DEPTOR: variants seen among roughly 807,000 people sequenced by gnomAD.
The protein encoded by DEPTOR is DEP domain containing MTOR interacting protein, also known as DEP domain-containing mTOR-interacting protein.
In DEPTOR, 41 loss-of-function variants were observed where a neutral mutation model predicts 41.6. The observed-to-expected ratio is 0.98, with a 90% CI of 0.77 to 1.28. The LOEUF (loss-of-function observed/expected upper bound fraction) is 1.28. Among genes scored for constraint, DEPTOR ranks in the 50% most tolerant of loss-of-function variants. The probability of loss-of-function intolerance (pLI) is 0.00; values close to 1 mark genes in which losing one functional copy is unlikely to be tolerated. For synonymous variants in DEPTOR, 195 were observed against 192.3 expected, an observed-to-expected ratio of 1.01 and a Z score of -0.12; for missense variants, 514 against 527.9, an observed-to-expected ratio of 0.97 and a Z score of 0.26.
chr8:119,889,634 G>C (rs1231245085), intron 1 of DEPTOR, among the ~76,000 whole-genome samples: 6 of 65,150 alleles, frequency 9.2e-5, no homozygotes, highest in African/African-American at 2.7e-4. Context: ...GGGAAGGGAA[G>C]GGGAGGGGAG....
chr8:119,974,224 T>G (rs11993050), intron 4 of DEPTOR, among the ~76,000 whole-genome samples: 7,380 of 109,996 alleles, frequency 0.067, 236 homozygotes, highest in South Asian at 0.18. Flanking sequence ...CATAGTGAGA[T>G]CTTGTCTCTT....
At chr8:119,987,551 C>T (rs570486559) in intron 4 of DEPTOR, among the ~76,000 whole-genome samples, 12 of 152,280 alleles carry the variant, frequency 7.9e-5, no homozygotes, top group Admixed American at 4.6e-4. Flanking sequence ...TAGCAGAGCT[C>T]GAGTGCTGTG....
chr8:119,899,678 A>G (rs1478936065), intron 1 of DEPTOR, among the ~76,000 whole-genome samples: 1 of 152,198 alleles, frequency 6.6e-6, no homozygotes, highest in African/African-American at 2.4e-5. Context: ...GAATCACTAC[A>G]TAGCTCAGAG....
chr8:120,049,790 C>G lies in DEPTOR; in HGVS notation c.*86C>G. 3 of 1,552,722 alleles carry G rather than the reference C, an allele frequency of 1.9e-6. No individual in the cohort carries two copies. Among genetic ancestry groups the G allele is most frequent in the Non-Finnish European group, 1.8e-6 (2 of 1,140,470 alleles). On this transcript the variant is annotated 3_prime_UTR_variant, in exon 9 of 9. Coordinates refer to ENST00000286234, the MANE Select transcript of DEPTOR (RefSeq NM_022783.4). ...GCAATGCAAAGACAAGATTGCCATG[C>G]AAATGGATGGTTTTGGACATACGAG...
intron 3 of DEPTOR, among the ~76,000 whole-genome samples, chr8:119,948,731 G>A (rs565832065): frequency 3.3e-5 from 5 of 151,778 alleles, no homozygotes; most frequent in African/African-American, 1.2e-4. Flanking sequence ...TCATCCCTAA[G>A]CAAACATTAA....
chr8:120,016,311 T>A, intron 8 of DEPTOR, among the ~76,000 whole-genome samples: 1 of 152,050 alleles, frequency 6.6e-6, no homozygotes. Context: ...TTTTCCTTTT[T>A]TTTTGAGATG....
intron 3 of DEPTOR, among the ~76,000 whole-genome samples, chr8:119,962,487 G>T (rs1053205243): frequency 3.3e-5 from 5 of 152,020 alleles, no homozygotes; most frequent in African/African-American, 1.2e-4. Flanking sequence ...TCTAGCCATG[G>T]GGATGGCAAA....
rs532368333 is a variant in DEPTOR at position 119,958,073 on chromosome 8, A to G, written c.426-7159A>G. Among the ~76,000 whole-genome samples, 19 of 152,302 alleles carry G rather than the reference A, an allele frequency of 1.2e-4. No homozygotes were observed. The South Asian group carries it at 3.9e-3, about 32-fold the overall frequency. ...TTATTCATACAAATGTGTTCCAGCT[A>G]TCTATTCCTACAAAACAAGTCATAC... On this transcript the variant is annotated intron_variant, in intron 3 of 8. Coordinates refer to ENST00000286234, the MANE Select transcript of DEPTOR (RefSeq NM_022783.4).
intron 8 of DEPTOR, among the ~76,000 whole-genome samples, chr8:120,024,748 C>A (rs1176891967): frequency 1.3e-5 from 2 of 152,072 alleles, no homozygotes; most frequent in Admixed American, 6.6e-5. Context: ...CCCTGCTGAA[C>A]CTTTGATTTC....
intron 1 of DEPTOR, among the ~76,000 whole-genome samples, chr8:119,908,314 GGTGCA>G (rs1384988323): frequency 6.6e-6 from 1 of 152,106 alleles, no homozygotes; most frequent in Non-Finnish European, 1.5e-5. Flanking sequence ...AAATGGGTGA[GGTGCA>G]GTGGCTCACT....
At position 120,050,526 on chromosome 8, in the gene DEPTOR, A is replaced by G. The variant is rs1308282055; in HGVS notation, c.*822A>G. 6.6e-6 allele frequency: 1 copy of G among 152,188 alleles called. No individual in the cohort carries two copies. The highest frequency in any genetic ancestry group is 1.5e-5 in the Non-Finnish European group (1 of 68,022). 9.4% of individuals were successfully genotyped at this position (152,188 alleles called of 1,614,324 possible). A position where few individuals can be genotyped will look rare whatever the true frequency, so the allele number is the denominator to read the frequency against. On this transcript the variant is annotated 3_prime_UTR_variant, in exon 9 of 9. Transcript: ENST00000286234. Reference sequence around the variant, plus strand: ...AAATCAACCCTTCTGGCAAGATTTCACTTTGAAGGTGTCTGTTTTTAAGGG... The same window carrying G: ...AAATCAACCCTTCTGGCAAGATTTCGCTTTGAAGGTGTCTGTTTTTAAGGG...
intron 3 of DEPTOR, among the ~76,000 whole-genome samples, chr8:119,934,980 G>A (rs977740697): frequency 1.3e-5 from 2 of 152,194 alleles, no homozygotes; most frequent in East Asian, 1.9e-4. Context: ...ACCTCCTGCT[G>A]CCAGCTGTGG....
At chr8:119,918,264 C>G (rs1282818899) in intron 1 of DEPTOR, among the ~76,000 whole-genome samples, 1 of 152,130 alleles carries the variant, frequency 6.6e-6, no homozygotes, top group African/African-American at 2.4e-5. Flanking sequence ...CTCTTTACTT[C>G]CTGGGTGTGT....
intron 8 of DEPTOR, among the ~76,000 whole-genome samples, chr8:120,047,473 T>G (rs2130218174): frequency 6.6e-6 from 1 of 152,248 alleles, no homozygotes; most frequent in South Asian, 2.1e-4. Context: ...GTTCAAGTGA[T>G]TCTTCTGCCT....
intron 8 of DEPTOR, among the ~76,000 whole-genome samples, chr8:120,024,332 G>A (rs974206988): frequency 1.3e-5 from 2 of 152,188 alleles, no homozygotes; most frequent in African/African-American, 4.8e-5. Flanking sequence ...CCACACATGG[G>A]TGTACTTAGG....
intron 4 of DEPTOR, among the ~76,000 whole-genome samples, chr8:119,989,793 T>C (rs1339708556): frequency 2.6e-5 from 4 of 152,238 alleles, no homozygotes; most frequent in African/African-American, 7.2e-5. Flanking sequence ...AAGCTTAATG[T>C]ATTTGATGAC....
chr8:119,940,515 G>T (rs1479037615), intron 3 of DEPTOR, among the ~76,000 whole-genome samples: 1 of 152,200 alleles, frequency 6.6e-6, no homozygotes, highest in Non-Finnish European at 1.5e-5. Context: ...GGAGGCCAAG[G>T]TGGGTGGATA....
intron 2 of DEPTOR, among the ~76,000 whole-genome samples, chr8:119,929,037 T>C (rs1828005693): frequency 6.6e-6 from 1 of 152,376 alleles, no homozygotes. Flanking sequence ...GTGAGCTTCA[T>C]CCACATTGAT....
chr8:119,900,674 T>A (rs1234557375), intron 1 of DEPTOR, among the ~76,000 whole-genome samples: 1 of 152,006 alleles, frequency 6.6e-6, no homozygotes, highest in African/African-American at 2.4e-5. Context: ...CAGATGTGAA[T>A]CAGTGCACCT....
Sources: gnomAD v4.1 joint callset for allele counts (sites outside exome capture counted in the v4.1 genomes callset) on GRCh38, gnomAD v4.1.1 for gene constraint, MANE v1.5 for transcripts, NCBI Gene and HGNC (gene_info 2026-07-23, HGNC 2026-07-21) for gene names.